DPY30: variants seen among roughly 807,000 people sequenced by gnomAD.
DPY30 encodes protein dpy-30 homolog.
In DPY30, 6 loss-of-function variants were observed where a neutral mutation model predicts 16.2. The observed-to-expected ratio is 0.37, with a 90% CI of 0.20 to 0.73. The LOEUF is 0.73. Among genes scored for constraint, DPY30 ranks in the 30% least tolerant of loss-of-function variants. The pLI is 0.51. For missense variants in DPY30, 73 were observed against 113.1 expected, an observed-to-expected ratio of 0.65 and a Z score of 1.61; for synonymous variants, 39 against 38.8, an observed-to-expected ratio of 1.00 and a Z score of -0.02.
intron 4 of DPY30, among the ~76,000 whole-genome samples, chr2:32,028,929 A>G (rs1572997825): frequency 6.6e-6 from 1 of 151,930 alleles, no homozygotes; most frequent in Non-Finnish European, 1.5e-5. Flanking sequence ...GCACCACTGC[A>G]CTCCAGCCAG....
chr2:32,024,127 C>T lies in DPY30; in HGVS notation c.*57G>A. 6.3e-7 allele frequency: 1 copy of T among 1,581,194 alleles called. No individual in the cohort carries two copies. Among genetic ancestry groups the T allele is most frequent in the Non-Finnish European group, 8.6e-7 (1 of 1,163,140 alleles). On this transcript the variant is annotated 3_prime_UTR_variant, in exon 5 of 5. Transcript: ENST00000342166. ...GGAATGATCATGGCAATTAAAGCTG[C>T]CTCTTAATCATGTAAATCTACAGTA... is the stretch of plus-strand genomic sequence containing the variant.
At chr2:32,023,677 CTG>C, downstream of DPY30, 1 of 1,234,726 alleles carries the variant, frequency 8.1e-7, no homozygotes, top group South Asian at 1.3e-5. Flanking sequence ...TTAGAATCAC[CTG>C]TGATACTTGT....
chr2:32,030,950 TAACACTAAA>T (rs1675516645), intron 3 of DPY30, among the ~76,000 whole-genome samples: 1 of 152,010 alleles, frequency 6.6e-6, no homozygotes, highest in South Asian at 2.1e-4. Flanking sequence ...TTCCGGCAGG[TAACACTAAA>T]AAACAATAAT....
intron 5 of DPY30, among the ~76,000 whole-genome samples, chr2:32,017,232 G>C (rs1675083078): frequency 6.6e-6 from 1 of 152,298 alleles, no homozygotes; most frequent in Admixed American, 6.5e-5. Context: ...GTTTATGAGA[G>C]TTTAAGTGAT....
Position 32,039,759 on chromosome 2 carries a change from A to C in DPY30, c.-63T>G, listed in dbSNP as rs897910163. 6.4e-6 allele frequency: 3 copies of C among 471,262 alleles called. No homozygotes were observed. The highest frequency in any genetic ancestry group is 5.8e-5 in the African/African-American group (3 of 51,640). The allele number at this position is 471,262 out of a possible 1,614,324, so 29.2% of individuals were successfully genotyped here. On this transcript the variant is annotated 5_prime_UTR_variant, in exon 1 of 5. Transcript: ENST00000342166. ...CGCGCCCAAGCCGTTCGTTCTTAAGAGCCCTGCACCGCGCCACCAGCTCCC... is the reference window on the plus strand; with the variant it reads ...CGCGCCCAAGCCGTTCGTTCTTAAGCGCCCTGCACCGCGCCACCAGCTCCC...
intron 3 of DPY30, among the ~76,000 whole-genome samples, chr2:32,031,327 G>C (rs1263115326): frequency 6.6e-6 from 1 of 151,698 alleles, no homozygotes; most frequent in Non-Finnish European, 1.5e-5. Context: ...GGCTGAGGCA[G>C]AAGAATCGCT....
At chr2:32,016,788 T>TATA (rs1245563846) in intron 5 of DPY30, among the ~76,000 whole-genome samples, 2 of 152,228 alleles carry the variant, frequency 1.3e-5, no homozygotes, top group Non-Finnish European at 2.9e-5. Context: ...ATTTATTTAC[T>TATA]AAACGACGTC....
chr2:32,035,630 A>C (rs1366563680), intron 3 of DPY30, among the ~76,000 whole-genome samples: 9 of 151,154 alleles, frequency 6.0e-5, no homozygotes, highest in Admixed American at 5.3e-4. Flanking sequence ...CTATAAGTTC[A>C]CAATAGAAAA....
chr2:32,029,921 T>G (rs1226822256), intron 3 of DPY30, among the ~76,000 whole-genome samples, 185 bp from the exon 4 acceptor site: 1 of 152,084 alleles, frequency 6.6e-6, no homozygotes, highest in African/African-American at 2.4e-5. Flanking sequence ...TCATTCAAGC[T>G]CTCTCTCTCC....
chr2:32,032,495 A>C (rs1003799937), intron 3 of DPY30, among the ~76,000 whole-genome samples: 1 of 152,332 alleles, frequency 6.6e-6, no homozygotes, highest in East Asian at 1.9e-4. Flanking sequence ...ACAATGCGGC[A>C]AACTTCAAAA....
At chr2:32,029,290 T>A (rs1311711667) in intron 4 of DPY30, among the ~76,000 whole-genome samples, 3 of 151,926 alleles carry the variant, frequency 2.0e-5, no homozygotes, top group African/African-American at 7.3e-5. Flanking sequence ...ATAATAATAA[T>A]AAATTATAAT....
rs762032715 is a variant in DPY30, at chr2:32,024,264, G to T, written c.228-8C>A. ...TCAATGGGATTTGGTGGTCTGTAAGGGAAAAGAAATCCAAAGTTTAGAAAT... is the reference window on the plus strand; with the variant it reads ...TCAATGGGATTTGGTGGTCTGTAAGTGAAAAGAAATCCAAAGTTTAGAAAT... On this transcript the variant is annotated splice_region_variant and splice_polypyrimidine_tract_variant and intron_variant, in intron 4 of 4. Transcript: ENST00000342166. 1 of 1,587,782 alleles carries T rather than the reference G, an allele frequency of 6.3e-7. No individual in the cohort carries two copies. Among genetic ancestry groups the T allele is most frequent in the South Asian group, 1.1e-5 (1 of 89,820 alleles).
intron 3 of DPY30, among the ~76,000 whole-genome samples, chr2:32,031,245 C>A (rs1222516454): frequency 6.6e-6 from 1 of 151,696 alleles, no homozygotes; most frequent in Non-Finnish European, 1.5e-5. Context: ...TACGGCAAAA[C>A]CCCGTCTCTA....
chr2:32,037,716 C>A (rs912085957), intron 3 of DPY30, among the ~76,000 whole-genome samples: 2 of 151,924 alleles, frequency 1.3e-5, no homozygotes, highest in Non-Finnish European at 2.9e-5. Context: ...TGCCACCACG[C>A]CTGGCTAATT....
At chr2:32,024,301 G>T in intron 4 of DPY30, 45 bp from the exon 5 acceptor site, 1 of 1,384,152 alleles carries the variant, frequency 7.2e-7, no homozygotes. Context: ...TATTTCCTAG[G>T]TGTGTTAATT....
At chr2:32,037,980 T>C (rs1246780751) in intron 3 of DPY30, among the ~76,000 whole-genome samples, 1 of 152,050 alleles carries the variant, frequency 6.6e-6, no homozygotes, top group Non-Finnish European at 1.5e-5. Flanking sequence ...CCACACACAC[T>C]CTTAAGTAAT....
chr2:32,012,617 T>C (rs1674980759), intron 5 of DPY30, among the ~76,000 whole-genome samples: 1 of 151,884 alleles, frequency 6.6e-6, no homozygotes, highest in Non-Finnish European at 1.5e-5. Context: ...TTTGTATTTT[T>C]AGTAGAGACA....
downstream of DPY30, among the ~76,000 whole-genome samples, chr2:32,023,161 A>G (rs867627723): frequency 4.6e-5 from 7 of 151,846 alleles, no homozygotes; most frequent in South Asian, 2.1e-4. Flanking sequence ...GTGTCTAGAC[A>G]TCAACAAATG....
upstream of DPY30, chr2:32,039,806 A>C (rs1332626307): frequency 1.7e-5 from 6 of 356,854 alleles, no homozygotes; most frequent in East Asian, 2.0e-4. Flanking sequence ...CTCCGGCCGT[A>C]AGTGACGGCT....
Sources: allele counts gnomAD v4.1 joint callset (sites outside exome capture counted in the v4.1 genomes callset), GRCh38; gene constraint gnomAD v4.1.1; transcripts MANE v1.5; gene names NCBI Gene and HGNC (gene_info 2026-07-23, HGNC 2026-07-21).